The following DCLK2 variants were observed in gnomAD, a reference collection of about 807,000 sequenced individuals.
DCLK2 encodes serine/threonine-protein kinase DCLK2.
In DCLK2, 31 loss-of-function variants were observed where a neutral mutation model predicts 78.4. The observed-to-expected ratio is 0.40, with a 90% CI of 0.30 to 0.53. The LOEUF is 0.53. Among genes scored for constraint, DCLK2 ranks in the 20% least tolerant of loss-of-function variants. The probability of loss-of-function intolerance (pLI) is 0.61; values close to 1 mark genes in which losing one functional copy is unlikely to be tolerated. For synonymous variants in DCLK2, 407 were observed against 374.9 expected, an observed-to-expected ratio of 1.09 and a Z score of -0.99; for missense variants, 872 against 973.7, an observed-to-expected ratio of 0.90 and a Z score of 1.39.
intron 1 of DCLK2, among the ~76,000 whole-genome samples, chr4:150,086,593 G>A (rs961702709): frequency 1.3e-5 from 2 of 150,914 alleles, no homozygotes; most frequent in African/African-American, 2.4e-5. Context: ...TGCAAGCTCC[G>A]CCTCCCGGGT....
At position 150,079,172 on chromosome 4, in the gene DCLK2, G is replaced by A. The variant is rs992144412; in HGVS notation, c.145G>A (p.Ala49Thr). Residue 49 changes from alanine (A) to threonine (T), a missense_variant, in exon 1 of 16, where the codon GCG (alanine) becomes ACG (threonine). Ala to Thr is a moderately conservative substitution (Grantham distance 58, BLOSUM62 0). Transcript: ENST00000296550. ...PKGNGLIPSP[A>T]HSAHCSFYRT... ...GGGGAACGGGCTCATCCCCAGTCCG[G>A]CGCACAGTGCCCACTGCAGCTTCTA... The A allele has an allele frequency of 3.7e-6, 6 of 1,609,078 alleles. No individual in the cohort carries two copies. Among genetic ancestry groups the A allele is most frequent in the Admixed American group, 1.7e-5 (1 of 59,730 alleles).
At chr4:150,151,784 A>T (rs1467548699) in intron 2 of DCLK2, among the ~76,000 whole-genome samples, 1 of 151,894 alleles carries the variant, frequency 6.6e-6, no homozygotes, top group Non-Finnish European at 1.5e-5. Context: ...AATTAGCCAG[A>T]TGTGGTGGCA....
rs904624235 is a variant in DCLK2 at position 150,256,347 on chromosome 4, G to A, written c.*100G>A. The A allele has an allele frequency of 3.5e-6, 5 of 1,418,358 alleles. No homozygotes were observed. Among genetic ancestry groups the A allele is most frequent in the Admixed American group, 2.9e-5 (1 of 34,826 alleles). 87.9% of individuals were successfully genotyped at this position (1,418,358 alleles called of 1,614,324 possible). On this transcript the variant is annotated 3_prime_UTR_variant, in exon 16 of 16. Coordinates refer to ENST00000296550, the MANE Select transcript of DCLK2 (RefSeq NM_001040260.4). ...TGCTGCAGGCCTCCCTCTCTTCACC[G>A]CCTGCGCCTGAGTTCGCGGGTCCTC...
chr4:150,153,563 A>G (rs1360708436), intron 2 of DCLK2, among the ~76,000 whole-genome samples: 1 of 135,246 alleles, frequency 7.4e-6, no homozygotes, highest in African/African-American at 2.8e-5. Flanking sequence ...ATGTGCCACC[A>G]CATGCCTGGC....
chr4:150,137,285 C>G (rs1041357838), intron 2 of DCLK2, among the ~76,000 whole-genome samples: 7 of 152,170 alleles, frequency 4.6e-5, no homozygotes, highest in African/African-American at 1.7e-4. Flanking sequence ...CCTGCTTCCA[C>G]CAGCAGGCTG....
At chr4:150,158,192 A>C (rs1735454253) in intron 2 of DCLK2, among the ~76,000 whole-genome samples, 1 of 152,172 alleles carries the variant, frequency 6.6e-6, no homozygotes, top group East Asian at 1.9e-4. Flanking sequence ...GTGTGTTCAC[A>C]TGACTTTTCC....
At chr4:150,165,605 C>T (rs1736003752) in intron 2 of DCLK2, among the ~76,000 whole-genome samples, 2 of 152,152 alleles carry the variant, frequency 1.3e-5, no homozygotes, top group Middle Eastern at 3.2e-3. Context: ...TCAAAGAGAA[C>T]ATAAATTGGC....
chr4:150,237,036 T>C (rs1742561523), intron 10 of DCLK2, among the ~76,000 whole-genome samples: 1 of 152,128 alleles, frequency 6.6e-6, no homozygotes, highest in African/African-American at 2.4e-5. Context: ...ATAAATACTA[T>C]TTTTCAAAAA....
At chr4:150,083,702 G>C (rs910421210) in intron 1 of DCLK2, among the ~76,000 whole-genome samples, 2 of 152,168 alleles carry the variant, frequency 1.3e-5, no homozygotes, top group African/African-American at 4.8e-5. Context: ...GCACATAGGA[G>C]TCGAAAATGA....
At chr4:150,200,508 G>A (rs1320714990) in intron 4 of DCLK2, among the ~76,000 whole-genome samples, 1 of 152,158 alleles carries the variant, frequency 6.6e-6, no homozygotes, top group Non-Finnish European at 1.5e-5. Flanking sequence ...GTGCTATATA[G>A]CGTGTTCTTT....
intron 15 of DCLK2, among the ~76,000 whole-genome samples, chr4:150,250,447 A>G (rs927577848): frequency 6.6e-6 from 1 of 152,094 alleles, no homozygotes; most frequent in Non-Finnish European, 1.5e-5. Context: ...CGGGAAGGCC[A>G]GCTCACCGTG....
At chr4:150,222,282 G>GA (rs1741243987) in intron 7 of DCLK2, among the ~76,000 whole-genome samples, 1 of 151,766 alleles carries the variant, frequency 6.6e-6, no homozygotes, top group African/African-American at 2.4e-5. Context: ...ATGCCCACAG[G>GA]AAAAAAATAT....
At chr4:150,105,449 A>G (rs1438198215) in intron 2 of DCLK2, among the ~76,000 whole-genome samples, 1 of 152,152 alleles carries the variant, frequency 6.6e-6, no homozygotes, top group East Asian at 1.9e-4. Context: ...TTTAATATTT[A>G]AAACTGACAA....
intron 5 of DCLK2, among the ~76,000 whole-genome samples, chr4:150,214,556 C>T (rs1193155853): frequency 6.6e-6 from 1 of 152,166 alleles, no homozygotes; most frequent in East Asian, 1.9e-4. Flanking sequence ...TATCCATGCT[C>T]ATCTGTTCAT....
At chr4:150,202,427 A>G (rs368147946) in intron 4 of DCLK2, among the ~76,000 whole-genome samples, 1 of 152,354 alleles carries the variant, frequency 6.6e-6, no homozygotes, top group East Asian at 1.9e-4. Flanking sequence ...AAATAACTGG[A>G]AAAAGTTTTC....
chr4:150,232,278 C>A, intron 8 of DCLK2, 59 bp from the exon 9 acceptor site: 1 of 1,581,276 alleles, frequency 6.3e-7, no homozygotes, highest in Non-Finnish European at 8.6e-7. Flanking sequence ...TCCTCCAGGC[C>A]TTCGAGAGCA....
intron 1 of DCLK2, among the ~76,000 whole-genome samples, chr4:150,088,142 C>T (rs916034516): frequency 6.6e-6 from 1 of 152,128 alleles, no homozygotes; most frequent in African/African-American, 2.4e-5. Context: ...GGTCTCTTTA[C>T]TTAATAGTAT....
chr4:150,200,974 C>T (rs925871924), intron 4 of DCLK2, among the ~76,000 whole-genome samples: 44 of 152,160 alleles, frequency 2.9e-4, no homozygotes, highest in Admixed American at 1.9e-3. Flanking sequence ...TGCGCCACCA[C>T]GCCTGGCTAA....
At position 150,218,827 on chromosome 4, in the gene DCLK2, A is replaced by G. The variant is rs542573194; in HGVS notation, c.1057-1876A>G. Among the ~76,000 whole-genome samples, 5 of 152,306 alleles carry G rather than the reference A, an allele frequency of 3.3e-5. No homozygotes were observed. The South Asian group carries it at 1.0e-3, about 32-fold the overall frequency. On this transcript the variant is annotated intron_variant, in intron 5 of 15. Coordinates refer to ENST00000296550, the MANE Select transcript of DCLK2 (RefSeq NM_001040260.4). ...CTCCCCTGTTACTTTATTCTGGGGCAGGCAGTGATTAGCAGAGATCTTTTT... is the reference window on the plus strand; with the variant it reads ...CTCCCCTGTTACTTTATTCTGGGGCGGGCAGTGATTAGCAGAGATCTTTTT...
Sources: allele counts gnomAD v4.1 joint callset (sites outside exome capture counted in the v4.1 genomes callset), GRCh38; gene constraint gnomAD v4.1.1; transcripts MANE v1.5; gene names NCBI Gene and HGNC (gene_info 2026-07-23, HGNC 2026-07-21).